The following MALRD1 variants were observed in gnomAD, a reference collection of about 807,000 sequenced individuals.
MALRD1 encodes MAM and LDL receptor class A domain containing 1.
MALRD1 carries 247 observed loss-of-function variants against 242.1 expected under a neutral mutation model. The observed-to-expected ratio is 1.02, with a 90% CI of 0.92 to 1.13. The LOEUF is 1.13. Ranked by LOEUF, MALRD1 falls within the 50% of genes most tolerant of loss-of-function variation. The pLI, the probability that MALRD1 is intolerant of heterozygous loss-of-function variation, is 0.00. For missense variants in MALRD1, 2,989 were observed against 2,533.1 expected, an observed-to-expected ratio of 1.18 and a Z score of -3.86; for synonymous variants, 995 against 866.6, an observed-to-expected ratio of 1.15 and a Z score of -2.60.
chr10:19,307,373 C>T (rs1842259932), intron 21 of MALRD1, among the ~76,000 whole-genome samples: 1 of 151,484 alleles, frequency 6.6e-6, no homozygotes, highest in Admixed American at 6.6e-5. Flanking sequence ...TTTCTATGAG[C>T]CCTCAACTGT....
At position 19,645,017 on chromosome 10, in the gene MALRD1, A is replaced by C. The variant is rs75712970; in HGVS notation, c.6137+29094A>C. On this transcript the variant is annotated intron_variant, in intron 36 of 39. Coordinates refer to ENST00000454679, the MANE Select transcript of MALRD1 (RefSeq NM_001142308.3). ...CTAGTACTGATTAAAACTTGGAATA[A>C]ATCACATTAATTCAAATTCAAAGAC... Among the ~76,000 whole-genome samples the C allele has an allele frequency of 9.3e-3, 1,411 of 152,296 alleles. 19 individuals are homozygous for C. The highest frequency in any genetic ancestry group is 0.032 in the African/African-American group (1,323 of 41,572).
intron 36 of MALRD1, among the ~76,000 whole-genome samples, chr10:19,683,689 G>C (rs1842464740): frequency 6.6e-6 from 1 of 151,866 alleles, no homozygotes; most frequent in African/African-American, 2.4e-5. Context: ...TATGTTATGA[G>C]AGTGTTGCTC....
intron 33 of MALRD1, among the ~76,000 whole-genome samples, chr10:19,585,161 G>C (rs113336391): frequency 5.6e-4 from 85 of 152,022 alleles, no homozygotes; most frequent in Non-Finnish European, 1.1e-3. Flanking sequence ...CACACTGATG[G>C]GTCTTGGCTC....
At chr10:19,147,934 A>T (rs1397604601) in intron 11 of MALRD1, among the ~76,000 whole-genome samples, 1 of 152,160 alleles carries the variant, frequency 6.6e-6, no homozygotes, top group African/African-American at 2.4e-5. Context: ...GTAGTTAGGG[A>T]TGAAAGACGT....
In MALRD1 at chr10:19,399,435, C is replaced by T. The variant is rs576142649; in HGVS notation, c.4845+9826C>T. Reference sequence around the variant, plus strand: ...TAATTAATTTTTAATGCATACTCTTCATTTTCTGTGGAGTTTGCAATACAT... The same window carrying T: ...TAATTAATTTTTAATGCATACTCTTTATTTTCTGTGGAGTTTGCAATACAT... On this transcript the variant is annotated intron_variant, in intron 28 of 39. Coordinates refer to ENST00000454679, the MANE Select transcript of MALRD1 (RefSeq NM_001142308.3). Among the ~76,000 whole-genome samples the T allele has an allele frequency of 2.6e-5, 4 of 152,270 alleles. No individual in the cohort carries two copies. The South Asian group carries it at 8.3e-4, about 32-fold the overall frequency.
At chr10:19,086,449 A>G (rs1835671771) in intron 2 of MALRD1, among the ~76,000 whole-genome samples, 1 of 152,064 alleles carries the variant, frequency 6.6e-6, no homozygotes, top group South Asian at 2.1e-4. Flanking sequence ...AGAACTCACA[A>G]TAAAGCATCA....
chr10:19,363,788 C>T (rs1419921527), intron 26 of MALRD1, among the ~76,000 whole-genome samples: 29 of 152,100 alleles, frequency 1.9e-4, no homozygotes, highest in Admixed American at 1.9e-3. Flanking sequence ...GAATATAGTA[C>T]CCTGGCTTCC....
intron 14 of MALRD1, among the ~76,000 whole-genome samples, chr10:19,182,621 C>T (rs1835560773): frequency 1.3e-5 from 2 of 151,970 alleles, no homozygotes; most frequent in African/African-American, 4.8e-5. Flanking sequence ...TGAGCCACTG[C>T]ACCCGGCCCA....
At chr10:19,143,872 G>A (rs1426113235) in intron 10 of MALRD1, among the ~76,000 whole-genome samples, 1 of 152,202 alleles carries the variant, frequency 6.6e-6, no homozygotes, top group Non-Finnish European at 1.5e-5. Flanking sequence ...AGAGGGTTCT[G>A]TAAATGCCCA....
chr10:19,410,151 T>C (rs1001902783), intron 28 of MALRD1, among the ~76,000 whole-genome samples: 3 of 152,206 alleles, frequency 2.0e-5, no homozygotes, highest in African/African-American at 7.2e-5. Context: ...TTATAGTTTT[T>C]TGTCAGTTTT....
chr10:19,172,599 C>G (rs534139417), intron 13 of MALRD1, among the ~76,000 whole-genome samples: 1 of 151,438 alleles, frequency 6.6e-6, no homozygotes, highest in South Asian at 2.1e-4. Context: ...CCAGGGCCCA[C>G]CCATTCCATT....
intron 31 of MALRD1, among the ~76,000 whole-genome samples, chr10:19,523,588 A>T (rs1398598321): frequency 6.6e-6 from 1 of 152,178 alleles, no homozygotes; most frequent in Non-Finnish European, 1.5e-5. Flanking sequence ...CAAATAAATG[A>T]CTCATAAAGA....
chr10:19,635,623 A>G (rs953808515), intron 36 of MALRD1, among the ~76,000 whole-genome samples: 1 of 152,224 alleles, frequency 6.6e-6, no homozygotes, highest in Non-Finnish European at 1.5e-5. Context: ...ATATGGATGA[A>G]TAGATGGAAA....
At position 19,240,768 on chromosome 10, in the gene MALRD1, A is replaced by G. The variant is rs572332664; in HGVS notation, c.2992-16916A>G. On this transcript the variant is annotated intron_variant, in intron 18 of 39. Transcript: ENST00000454679. ...ACCTACTTTCTTGACAGTTTTTATC[A>G]TAAAGGAATGTTGACTTTTGTCAAG... 1.1e-4 allele frequency among the ~76,000 whole-genome samples: 17 copies of G among 152,232 alleles called. No homozygotes were observed. In the East Asian group the frequency reaches 2.9e-3, roughly 26 times the overall value.
At chr10:19,496,433 T>G (rs1312379041) in intron 30 of MALRD1, among the ~76,000 whole-genome samples, 1 of 152,220 alleles carries the variant, frequency 6.6e-6, no homozygotes, top group Non-Finnish European at 1.5e-5. Flanking sequence ...ACACAGAAAT[T>G]AAACAGCCTG....
intron 32 of MALRD1, among the ~76,000 whole-genome samples, chr10:19,551,664 GCA>G (rs1364035517): frequency 6.6e-6 from 1 of 152,032 alleles, no homozygotes; most frequent in Non-Finnish European, 1.5e-5. Context: ...GTGAGAGAGT[GCA>G]TCCTTGTCTT....
chr10:19,294,403 T>G (rs1005329482), intron 21 of MALRD1, among the ~76,000 whole-genome samples: 2 of 152,174 alleles, frequency 1.3e-5, no homozygotes, highest in Non-Finnish European at 2.9e-5. Flanking sequence ...ATCAGTATGC[T>G]CTTGTGACAT....
intron 38 of MALRD1, among the ~76,000 whole-genome samples, chr10:19,705,804 T>TGAAAAAAAAAAAAAAAAAAAAAAA (rs71388859): frequency 8.8e-5 from 9 of 102,830 alleles, no homozygotes; most frequent in Non-Finnish European, 1.6e-4. Context: ...CCTGCAATAG[T>TGAAAAAAAAAAAAAAAAAAAAAAA]AAAAAAAAAA....
intron 2 of MALRD1, among the ~76,000 whole-genome samples, chr10:19,080,530 T>C (rs1456439123): frequency 6.6e-6 from 1 of 152,100 alleles, no homozygotes; most frequent in Non-Finnish European, 1.5e-5. Flanking sequence ...GGATTCCCTA[T>C]TTAACAAATG....
Sources: gnomAD v4.1 joint callset for allele counts (sites outside exome capture counted in the v4.1 genomes callset) on GRCh38, gnomAD v4.1.1 for gene constraint, MANE v1.5 for transcripts, NCBI Gene and HGNC (gene_info 2026-07-23, HGNC 2026-07-21) for gene names.